The following CROT variants were observed in gnomAD, a reference collection of about 807,000 sequenced individuals.
CROT encodes carnitine O-octanoyltransferase, also known as peroxisomal carnitine O-octanoyltransferase.
A neutral mutation model predicts 89.2 loss-of-function variants in CROT; 84 were observed. The ratio of observed to expected loss-of-function variants is 0.94; its 90% CI spans 0.79 to 1.13. The LOEUF (loss-of-function observed/expected upper bound fraction) is 1.13. Ranked by LOEUF, CROT falls within the 50% of genes most tolerant of loss-of-function variation. The probability of loss-of-function intolerance (pLI) is 0.00; values close to 1 mark genes in which losing one functional copy is unlikely to be tolerated. For missense variants in CROT, 711 were observed against 727.8 expected (o/e 0.98, Z 0.27); for synonymous variants, 212 against 239.5 (o/e 0.89, Z 1.06).
rs1043269657 is a variant in CROT, at chr7:87,375,930, G to A, written c.853G>A (p.Val285Ile). The change falls in exon 9 of 18, where the codon GTA (valine) becomes ATA (isoleucine). Residue 285 changes from valine to isoleucine, a missense_variant. Transcript: ENST00000331536. The part of the protein sequence containing the change: ...VYSMEDSSPH[V>I]TPEDYSEIIA... ...TTCCATGGAGGATAGCAGTCCACAT[G>A]TAACACCAGAGGATTATTCTGAGGT... 8 of 1,610,776 alleles carry A rather than the reference G, an allele frequency of 5.0e-6. No individual in the cohort carries two copies. In the East Asian group the frequency reaches 1.6e-4, roughly 31 times the overall value.
Position 87,349,080 on chromosome 7 carries a change from A to G in CROT, c.12A>G (p.Gln4=), listed in dbSNP as rs1453336455. The stretch of plus-strand genomic sequence containing the variant: ...ATTGTGATTTTATCATGGAAAATCA[A>G]TTGGCTAAATCAACTGAAGAACGAA... MEN[Q]LAKSTEERTF... is the part of the protein sequence containing the mutation. The change falls in exon 3 of 18, where the codon CAA becomes CAG. Residue 4 remains glutamine (Q), a synonymous_variant. Transcript: ENST00000331536. The G allele has an allele frequency of 8.2e-6, 13 of 1,591,710 alleles. No individual in the cohort carries two copies. Among genetic ancestry groups the G allele is most frequent in the Non-Finnish European group, 1.1e-5 (13 of 1,164,904 alleles).
rs1303496124 is a variant in CROT, at chr7:87,399,381, C to T, written c.*737C>T. The T allele has an allele frequency of 6.6e-6, 1 of 152,340 alleles. No homozygotes were observed. The highest frequency in any genetic ancestry group is 6.5e-5 in the Admixed American group (1 of 15,278). The allele number at this position is 152,340 out of a possible 1,614,324, so 9.4% of individuals were successfully genotyped here. A position where few individuals can be genotyped will look rare whatever the true frequency, so the allele number is the denominator to read the frequency against. On this transcript the variant is annotated 3_prime_UTR_variant, in exon 18 of 18. Transcript: ENST00000331536. ...AGTCCAAGCTACTTGAAGGCTGAGA[C>T]AGGAGGATCGGTTGAGCCCAGGAGG...
chr7:87,379,029 GT>G (rs1806904390), intron 10 of CROT, among the ~76,000 whole-genome samples: 1 of 152,158 alleles, frequency 6.6e-6, no homozygotes, highest in Non-Finnish European at 1.5e-5. Context: ...AATTGCCTCA[GT>G]TTTCTTCTCT....
intron 12 of CROT, 112 bp downstream of exon 12, chr7:87,382,293 C>T: frequency 7.1e-7 from 1 of 1,409,290 alleles, no homozygotes; most frequent in South Asian, 1.3e-5. Context: ...AAAATTATGC[C>T]TTTAACACCT....
At chr7:87,352,800 G>A (rs929365412) in intron 3 of CROT, among the ~76,000 whole-genome samples, 8 of 152,148 alleles carry the variant, frequency 5.3e-5, no homozygotes, top group South Asian at 2.1e-4. Flanking sequence ...AAGCCCATAC[G>A]TAGCCAAATA....
chr7:87,376,565 T>C (rs896444033), intron 9 of CROT, among the ~76,000 whole-genome samples: 2 of 151,938 alleles, frequency 1.3e-5, no homozygotes, highest in Non-Finnish European at 2.9e-5. Context: ...TATTTTATAG[T>C]GAATTAATCG....
intron 3 of CROT, among the ~76,000 whole-genome samples, chr7:87,351,296 G>A (rs1343749680): frequency 8.3e-6 from 1 of 120,240 alleles, no homozygotes; most frequent in African/African-American, 3.2e-5. Context: ...ACAACAGAGC[G>A]AGACTCCATC....
intron 3 of CROT, among the ~76,000 whole-genome samples, chr7:87,357,069 T>A (rs980114151): frequency 6.6e-6 from 1 of 151,922 alleles, no homozygotes; most frequent in African/African-American, 2.4e-5. Flanking sequence ...AGGTTCCCCA[T>A]GCTATCCTGA....
chr7:87,385,960 C>G (rs1176874176), intron 13 of CROT, among the ~76,000 whole-genome samples: 1 of 152,068 alleles, frequency 6.6e-6, no homozygotes, highest in Non-Finnish European at 1.5e-5. Context: ...GTCCTTTATT[C>G]TGTTGATGTG....
chr7:87,348,999 A>G, intron 2 of CROT, 49 bp from the exon 3 acceptor site: 1 of 759,586 alleles, frequency 1.3e-6, no homozygotes, highest in South Asian at 1.9e-5. Flanking sequence ...AGGATACGTA[A>G]CACTATCTAT....
At chr7:87,350,807 C>G (rs764176500) in intron 3 of CROT, among the ~76,000 whole-genome samples, 3 of 152,156 alleles carry the variant, frequency 2.0e-5, no homozygotes, top group Non-Finnish European at 4.4e-5. Flanking sequence ...CTGGAAGTGG[C>G]TGGTGTCATG....
intron 2 of CROT, 123 bp from the exon 3 acceptor site, chr7:87,348,925 G>A (rs1805782792): frequency 4.4e-6 from 2 of 457,096 alleles, no homozygotes; most frequent in African/African-American, 2.0e-5. Flanking sequence ...CATAAAAGCT[G>A]GTACCAAGTC....
In CROT at chr7:87,387,731, C is replaced by G. The variant is rs1807226144; in HGVS notation, c.1302-3858C>G. On this transcript the variant is annotated intron_variant, in intron 13 of 17. Coordinates refer to ENST00000331536, the MANE Select transcript of CROT (RefSeq NM_021151.4). ...CTTTGGGAGGCTGAGGCAGGCAGAT[C>G]ACTTGAGGTCAGGAGTTCGAGACTA... Among the ~76,000 whole-genome samples the G allele has an allele frequency of 2.0e-5, 3 of 152,146 alleles. No individual in the cohort carries two copies. In the South Asian group the frequency reaches 6.2e-4, roughly 32 times the overall value.
At chr7:87,396,065 A>G (rs1486984414) in intron 17 of CROT, among the ~76,000 whole-genome samples, 1 of 152,164 alleles carries the variant, frequency 6.6e-6, no homozygotes. Context: ...TTTACGACAG[A>G]GCCAGTCTAG....
chr7:87,383,911 T>A (rs1472414302), intron 13 of CROT, among the ~76,000 whole-genome samples: 1 of 152,162 alleles, frequency 6.6e-6, no homozygotes, highest in Non-Finnish European at 1.5e-5. Flanking sequence ...ATATATTGAT[T>A]TCCTTTCTCT....
At chr7:87,389,853 G>T (rs1584648791) in intron 13 of CROT, among the ~76,000 whole-genome samples, 1 of 152,112 alleles carries the variant, frequency 6.6e-6, no homozygotes, top group South Asian at 2.1e-4. Context: ...AGACTGGCTT[G>T]CCAGAAACTA....
chr7:87,391,881 G>C (rs1807371411), intron 14 of CROT, among the ~76,000 whole-genome samples, 169 bp downstream of exon 14: 1 of 152,180 alleles, frequency 6.6e-6, no homozygotes, highest in Admixed American at 6.5e-5. Flanking sequence ...AGTGAAATGT[G>C]TAATTGGAAA....
chr7:87,346,128 G>T (rs1805664549), intron 1 of CROT, among the ~76,000 whole-genome samples: 1 of 152,156 alleles, frequency 6.6e-6, no homozygotes. Flanking sequence ...TCTAATGGAA[G>T]GTGTACTTGT....
At chr7:87,398,315 A>G (rs1807615359) in intron 17 of CROT, 1 of 683,288 alleles carries the variant, frequency 1.5e-6, no homozygotes, top group Non-Finnish European at 2.7e-6. Flanking sequence ...CTTTGTCCCT[A>G]GGTGCTAGTC....
Sources: gnomAD v4.1 joint callset for allele counts (sites outside exome capture counted in the v4.1 genomes callset) on GRCh38, gnomAD v4.1.1 for gene constraint, MANE v1.5 for transcripts, NCBI Gene and HGNC (gene_info 2026-07-23, HGNC 2026-07-21) for gene names.